LINGO2: variants seen among roughly 807,000 people sequenced by gnomAD.
LINGO2 encodes leucine-rich repeat and immunoglobulin-like domain-containing nogo receptor-interacting protein 2.
LINGO2 carries 14 observed loss-of-function variants against 30.6 expected under a neutral mutation model. The ratio of observed to expected loss-of-function variants is 0.46; its 90% confidence interval spans 0.30 to 0.72. LINGO2 has a LOEUF of 0.72. LINGO2 is among the 30% of genes least tolerant of loss of function. The pLI is 0.07. For synonymous variants in LINGO2, 317 were observed against 288.5 expected, an observed-to-expected ratio of 1.10 and a Z score of -1.00; for missense variants, 729 against 751.7, an observed-to-expected ratio of 0.97 and a Z score of 0.35.
intron 5 of LINGO2, among the ~76,000 whole-genome samples, chr9:27,987,818 C>A (rs529553806): frequency 6.6e-6 from 1 of 152,036 alleles, no homozygotes; most frequent in African/African-American, 2.4e-5. Context: ...TATATACACA[C>A]ACACAAAATC....
intron 1 of LINGO2, among the ~76,000 whole-genome samples, chr9:28,555,779 C>G (rs1200108846): frequency 6.6e-6 from 1 of 152,020 alleles, no homozygotes; most frequent in East Asian, 1.9e-4. Flanking sequence ...TCCAGCAGCA[C>G]ATCAAAAAGC....
In LINGO2 at chr9:28,083,440, G is replaced by A. The variant is rs114418239; in HGVS notation, c.-86-71035C>T. On this transcript the variant is annotated intron_variant, in intron 4 of 5. Transcript: ENST00000379992. Reference sequence around the variant, plus strand: ...GAGTGGTTAGATTATAAGAACAGGGGTGCTACTTCCTCCCCCAATAGGTTG... The same window carrying A: ...GAGTGGTTAGATTATAAGAACAGGGATGCTACTTCCTCCCCCAATAGGTTG... 2.3e-3 allele frequency among the ~76,000 whole-genome samples: 351 copies of A among 152,236 alleles called. 1 individual carries two copies. Among genetic ancestry groups the A allele is most frequent in the African/African-American group, 8.4e-3 (347 of 41,542 alleles).
intron 4 of LINGO2, among the ~76,000 whole-genome samples, chr9:28,127,750 A>T (rs1226082126): frequency 6.6e-6 from 1 of 152,188 alleles, no homozygotes; most frequent in Non-Finnish European, 1.5e-5. Context: ...ATGAACAGCA[A>T]TTCCCAGGTA....
chr9:28,862,312 A>T, the LINGO2 span, among the ~76,000 whole-genome samples: 1 of 152,130 alleles, frequency 6.6e-6, no homozygotes, highest in Non-Finnish European at 1.5e-5. Flanking sequence ...AAAGGCTAGG[A>T]AATAAGAATA....
intron 1 of LINGO2, among the ~76,000 whole-genome samples, chr9:28,538,464 C>G (rs1336541679): frequency 6.6e-6 from 1 of 151,614 alleles, no homozygotes; most frequent in Non-Finnish European, 1.5e-5. Flanking sequence ...TCAAAACTGT[C>G]AAAGTATAAA....
intron 4 of LINGO2, among the ~76,000 whole-genome samples, chr9:28,124,354 C>A (rs1827181931): frequency 6.6e-6 from 1 of 152,182 alleles, no homozygotes; most frequent in South Asian, 2.1e-4. Flanking sequence ...GACTAAACTA[C>A]TTCTCTTTAC....
chr9:28,871,711 C>G, the LINGO2 span, among the ~76,000 whole-genome samples: 34 of 151,844 alleles, frequency 2.2e-4, no homozygotes, highest in Non-Finnish European at 7.4e-5. Flanking sequence ...ACTGAAAACA[C>G]TACATAAGGA....
At chr9:28,063,899 C>T (rs759530098) in intron 4 of LINGO2, among the ~76,000 whole-genome samples, 7 of 152,098 alleles carry the variant, frequency 4.6e-5, no homozygotes, top group South Asian at 2.1e-4. Flanking sequence ...TTCCCTGATT[C>T]CACATGCAGA....
At chr9:28,173,477 G>A (rs1828659172) in intron 4 of LINGO2, among the ~76,000 whole-genome samples, 1 of 152,134 alleles carries the variant, frequency 6.6e-6, no homozygotes, top group Non-Finnish European at 1.5e-5. Context: ...TAAGGGATAG[G>A]ACCAATTTTT....
At chr9:28,845,792 AT>A in the LINGO2 span, among the ~76,000 whole-genome samples, 54 of 145,240 alleles carry the variant, frequency 3.7e-4, 2 homozygotes, top group South Asian at 1.9e-3. Flanking sequence ...GTATAAAAAA[AT>A]AAAATGTTTT....
At position 28,270,437 on chromosome 9, in the gene LINGO2, G is replaced by A. The variant is rs17836460; in HGVS notation, c.-87+24771C>T. ...GAAAGAAAGACACTAAAGCCACCAG[G>A]AGAGCTATACTGTCTTCCCACCTCC... On this transcript the variant is annotated intron_variant, in intron 4 of 5. Coordinates refer to ENST00000379992, the Ensembl canonical transcript of LINGO2. 0.016 allele frequency among the ~76,000 whole-genome samples: 2,395 copies of A among 152,000 alleles called. 134 individuals are homozygous for A. In the East Asian group the frequency reaches 0.18, roughly 11 times the overall value.
At chr9:29,193,400 A>G in the LINGO2 span, among the ~76,000 whole-genome samples, 1 of 152,064 alleles carries the variant, frequency 6.6e-6, no homozygotes, top group African/African-American at 2.4e-5. Flanking sequence ...GAACCTGAAT[A>G]TATCATATCC....
chr9:28,532,465 G>A (rs1227266762), intron 1 of LINGO2, among the ~76,000 whole-genome samples: 1 of 151,936 alleles, frequency 6.6e-6, no homozygotes, highest in Non-Finnish European at 1.5e-5. Context: ...AAAAAGAAGG[G>A]AGGCCTTTGT....
At chr9:28,684,175 CTTTTTTTTTTTTTTT>C in the LINGO2 span, among the ~76,000 whole-genome samples, 3 of 45,430 alleles carry the variant, frequency 6.6e-5, no homozygotes, top group Non-Finnish European at 1.1e-4. Context: ...AAATGTTTAT[CTTTTTTTTTTTTTTT>C]TTTTTTTTTT....
At chr9:28,035,516 G>A (rs190126776) in intron 4 of LINGO2, among the ~76,000 whole-genome samples, 2 of 152,262 alleles carry the variant, frequency 1.3e-5, no homozygotes, top group African/African-American at 2.4e-5. Flanking sequence ...TGAAATAGTC[G>A]AATTTTTGGT....
At chr9:28,694,214 C>T in the LINGO2 span, among the ~76,000 whole-genome samples, 7 of 151,214 alleles carry the variant, frequency 4.6e-5, no homozygotes, top group South Asian at 4.2e-4. Context: ...AATTATGATC[C>T]CAGTTCAATT....
At chr9:28,746,578 T>A in the LINGO2 span, among the ~76,000 whole-genome samples, 1 of 152,122 alleles carries the variant, frequency 6.6e-6, no homozygotes, top group Non-Finnish European at 1.5e-5. Flanking sequence ...GTTATTTATA[T>A]GACTCAAGGC....
chr9:28,727,231 A>G, the LINGO2 span, among the ~76,000 whole-genome samples: 1 of 152,128 alleles, frequency 6.6e-6, no homozygotes, highest in African/African-American at 2.4e-5. Context: ...GGCAGCTGGG[A>G]ATAGCGTTAA....
intron 4 of LINGO2, among the ~76,000 whole-genome samples, chr9:28,133,238 A>C (rs962499105): frequency 3.9e-5 from 6 of 152,236 alleles, no homozygotes; most frequent in African/African-American, 1.4e-4. Context: ...ATATTATTAA[A>C]TAAGTACCAA....
Sources: allele counts gnomAD v4.1 joint callset (sites outside exome capture counted in the v4.1 genomes callset), GRCh38; gene constraint gnomAD v4.1.1; transcripts MANE v1.5; gene names NCBI Gene and HGNC (gene_info 2026-07-23, HGNC 2026-07-21).